GPR50: variants seen among roughly 807,000 people sequenced by gnomAD.
GPR50 encodes G protein-coupled receptor 50.
In GPR50, 1 loss-of-function variant was observed where a neutral mutation model predicts 2.6. The observed-to-expected ratio is 0.38, with a 90% confidence interval of 0.13 to 1.79. The LOEUF (loss-of-function observed/expected upper bound fraction) is 1.79. Among genes scored for constraint, GPR50 ranks in the 40% most tolerant of loss-of-function variants. The pLI, the probability that GPR50 is intolerant of heterozygous loss-of-function variation, is 0.33. For missense variants in GPR50, 535 were observed against 522.1 expected, an observed-to-expected ratio of 1.02 and a Z score of -0.24; for synonymous variants, 233 against 202.3, an observed-to-expected ratio of 1.15 and a Z score of -1.29.
Position 151,180,734 on chromosome X carries a change from G to A in GPR50, c.1151G>A (p.Gly384Asp), listed in dbSNP as rs367675848. Residue 384 changes from glycine to aspartate, a missense_variant, in exon 2 of 2, where the codon GGC (glycine) becomes GAC (aspartate). By Grantham distance (94) the Gly-to-Asp change is moderately conservative. Transcript: ENST00000218316. ...AAAGHPDRAS[G>D]HPKPHSRSSS... is the part of the protein sequence containing the mutation. ...GCTGGCCACCCCGACCGTGCCTCTGGCCACCCTAAGCCCCATTCCAGATCC... is the reference window on the plus strand; with the variant it reads ...GCTGGCCACCCCGACCGTGCCTCTGACCACCCTAAGCCCCATTCCAGATCC... 1.7e-6 allele frequency: 2 copies of A among 1,208,187 alleles called. No homozygotes were observed. Among genetic ancestry groups the A allele is most frequent in the African/African-American group, 3.5e-5 (2 of 56,736 alleles).
chrX:151,179,165 A>G (rs2048697757), intron 1 of GPR50, among the ~76,000 whole-genome samples: 1 of 103,645 alleles, frequency 9.6e-6, no homozygotes, highest in Non-Finnish European at 2.0e-5. Context: ...CTCTTAGGTT[A>G]CCTCGGAACG....
chrX:151,179,035 A>AT lies in GPR50; in HGVS notation c.188-730dup, dbSNP rs1187732499. 5.5e-5 allele frequency among the ~76,000 whole-genome samples: 6 copies of AT among 108,454 alleles called. No individual in the cohort carries two copies. In the South Asian group the frequency reaches 2.0e-3, roughly 36 times the overall value. 94.2% of individuals were successfully genotyped at this position (108,454 alleles called of 115,157 possible). A position where few individuals can be genotyped will look rare whatever the true frequency, so the allele number is the denominator to read the frequency against. ...AGGCACTTCTGCTAATCCTTGCAGG[A>AT]TTTTTTCTCCTCCCCCCCACCCCCG... On this transcript the variant is annotated intron_variant, in intron 1 of 1. Coordinates refer to ENST00000218316, the MANE Select transcript of GPR50 (RefSeq NM_004224.3).
rs1206974287 is a variant in GPR50, at chrX:151,180,120, C to T, written c.537C>T (p.Ile179=). The T allele has an allele frequency of 2.5e-6, 3 of 1,208,541 alleles. No homozygotes were observed. The highest frequency in any genetic ancestry group is 3.4e-6 in the Non-Finnish European group (3 of 894,251). The change falls in exon 2 of 2, where the codon ATC becomes ATT. Residue 179 remains isoleucine (I), a synonymous_variant. Transcript: ENST00000218316. ...ACGATCCTCGCACCTACACCTGCAT[C>T]TTCAACTATCTGAACAACCCTGTCT... ...IEYDPRTYTC[I]FNYLNNPVFT...
At position 151,180,201 on chromosome X, in the gene GPR50, C is replaced by A; in HGVS notation, c.618C>A (p.Phe206Leu). ...HFVLPLLIVGFCYVRIWTKVL... is the reference protein window; with the variant it reads ...HFVLPLLIVGLCYVRIWTKVL... ...TCCTCCCTCTCCTCATCGTGGGTTT[C>A]TGCTACGTGAGGATCTGGACCAAAG... Residue 206 changes from phenylalanine (F) to leucine (L), a missense_variant, in exon 2 of 2, where the codon TTC becomes TTA. Physicochemically the swap from Phe to Leu is conservative, Grantham distance 22 (BLOSUM62 0). Transcript: ENST00000218316. The A allele has an allele frequency of 8.3e-7, 1 of 1,205,824 alleles. No homozygotes were observed. Among genetic ancestry groups the A allele is most frequent in the Non-Finnish European group, 1.1e-6 (1 of 895,059 alleles).
At position 151,181,310 on chromosome X, in the gene GPR50, C is replaced by T. The variant is rs1478299922; in HGVS notation, c.1727C>T (p.Ala576Val). 8.3e-7 allele frequency: 1 copy of T among 1,208,589 alleles called. No homozygotes were observed. The highest frequency in any genetic ancestry group is 1.7e-5 in the African/African-American group (1 of 57,191). The change falls in exon 2 of 2, where the codon GCC (alanine) becomes GTC (valine). Residue 576 changes from alanine (A) to valine (V), a missense_variant. Transcript: ENST00000218316. ...SPAAGPTKPA[A>V]SQLESDTIAD... ...GCCGCTGGGCCCACCAAGCCTGCTGCCAGCCAGCTGGAGTCTGACACCATC... is the reference window on the plus strand; with the variant it reads ...GCCGCTGGGCCCACCAAGCCTGCTGTCAGCCAGCTGGAGTCTGACACCATC...
At chrX:151,178,225 G>C (rs186200052) in intron 1 of GPR50, among the ~76,000 whole-genome samples, 1 of 112,186 alleles carries the variant, frequency 8.9e-6, no homozygotes, top group African/African-American at 3.2e-5. Flanking sequence ...CTTTGCTTGG[G>C]CAAGGAGTCA....
In GPR50 at chrX:151,180,190, A is replaced by G. The variant is rs1318729967; in HGVS notation, c.607A>G (p.Ile203Val). 1 of 1,203,213 alleles carries G rather than the reference A, an allele frequency of 8.3e-7. No homozygotes were observed. The highest frequency in any genetic ancestry group is 1.1e-6 in the Non-Finnish European group (1 of 894,553). The change falls in exon 2 of 2, where the codon ATC (isoleucine) becomes GTC (valine). Residue 203 changes from isoleucine (I) to valine (V), a missense_variant. Ile to Val is a conservative substitution (Grantham distance 29). Coordinates refer to ENST00000218316, the MANE Select transcript of GPR50 (RefSeq NM_004224.3). Reference sequence around the variant, plus strand: ...CATCCACTTCGTCCTCCCTCTCCTCATCGTGGGTTTCTGCTACGTGAGGAT... The same window carrying G: ...CATCCACTTCGTCCTCCCTCTCCTCGTCGTGGGTTTCTGCTACGTGAGGAT... ...VCIHFVLPLL[I>V]VGFCYVRIWT... is the part of the protein sequence containing the mutation.
In GPR50 at chrX:151,180,072, C is replaced by G; in HGVS notation, c.489C>G (p.Asn163Lys). Reference sequence around the variant, plus strand: ...TGACCGTCCTGGCTGTCCTGCCCAACATGTACATTGGCACCATCGAGTACG... The same window carrying G: ...TGACCGTCCTGGCTGTCCTGCCCAAGATGTACATTGGCACCATCGAGTACG... ...WIMTVLAVLP[N>K]MYIGTIEYDP... is the part of the protein sequence containing the mutation. The change falls in exon 2 of 2, where the codon AAC (asparagine) becomes AAG (lysine). Residue 163 changes from asparagine (N) to lysine (K), a missense_variant. By Grantham distance (94) the Asn-to-Lys change is moderately conservative. Coordinates refer to ENST00000218316, the MANE Select transcript of GPR50 (RefSeq NM_004224.3). 1 of 1,211,482 alleles carries G rather than the reference C, an allele frequency of 8.3e-7. No individual in the cohort carries two copies. Among genetic ancestry groups the G allele is most frequent in the Non-Finnish European group, 1.1e-6 (1 of 895,223 alleles).
In GPR50 at chrX:151,180,234, G is replaced by C; in HGVS notation, c.651G>C (p.Ala217=). 1 of 1,205,751 alleles carries C rather than the reference G, an allele frequency of 8.3e-7. No homozygotes were observed. Among genetic ancestry groups the C allele is most frequent in the African/African-American group, 1.7e-5 (1 of 57,644 alleles). Reference sequence around the variant, plus strand: ...TGAGGATCTGGACCAAAGTGCTGGCGGCCCGTGACCCTGCAGGGCAGAATC... The same window carrying C: ...TGAGGATCTGGACCAAAGTGCTGGCCGCCCGTGACCCTGCAGGGCAGAATC... The part of the protein sequence containing the change: ...CYVRIWTKVL[A]ARDPAGQNPD... Residue 217 remains alanine (A), a synonymous_variant, in exon 2 of 2, where the codon GCG becomes GCC. Transcript: ENST00000218316.
Position 151,181,218 on chromosome X carries a change from C to T in GPR50, c.1635C>T (p.Pro545=), listed in dbSNP as rs368335652. 1.2e-4 allele frequency: 140 copies of T among 1,208,587 alleles called. No homozygotes were observed. Among genetic ancestry groups the T allele is most frequent in the Middle Eastern group, 2.3e-4 (1 of 4,373 alleles). Residue 545 remains proline (P), a synonymous_variant, in exon 2 of 2, where the codon CCC becomes CCT. Transcript: ENST00000218316. ...DNPELSASHC[P]EIPAIAHPVS... ...CTGAGCTCTCTGCCTCCCATTGCCC[C>T]GAGATCCCTGCCATTGCCCACCCTG...
At position 151,181,269 on chromosome X, in the gene GPR50, G is replaced by A; in HGVS notation, c.1686G>A (p.Glu562=). The A allele has an allele frequency of 8.3e-7, 1 of 1,210,922 alleles. No individual in the cohort carries two copies. Among genetic ancestry groups the A allele is most frequent in the African/African-American group, 1.7e-5 (1 of 57,670 alleles). Residue 562 remains glutamate, a synonymous_variant, in exon 2 of 2, where the codon GAG becomes GAA. Transcript: ENST00000218316. Reference sequence around the variant, plus strand: ...TGTCTGACGACAGTGACCTCCCTGAGTCGGCCTCTAGCCCTGCCGCTGGGC... The same window carrying A: ...TGTCTGACGACAGTGACCTCCCTGAATCGGCCTCTAGCCCTGCCGCTGGGC... ...HPVSDDSDLP[E]SASSPAAGPT...
At position 151,180,709 on chromosome X, in the gene GPR50, G is replaced by C. The variant is rs2048707928; in HGVS notation, c.1126G>C (p.Ala376Pro). ...TGTTCCATTACCTGGTGATGCTGCAGCTGGCCACCCCGACCGTGCCTCTGG... is the reference window on the plus strand; with the variant it reads ...TGTTCCATTACCTGGTGATGCTGCACCTGGCCACCCCGACCGTGCCTCTGG... ...RNVPLPGDAA[A>P]GHPDRASGHP... The change falls in exon 2 of 2, where the codon GCT becomes CCT. Residue 376 changes from alanine to proline, a missense_variant. Ala to Pro is a conservative substitution (Grantham distance 27). Coordinates refer to ENST00000218316, the MANE Select transcript of GPR50 (RefSeq NM_004224.3). The C allele has an allele frequency of 5.0e-6, 6 of 1,209,191 alleles. No individual in the cohort carries two copies. Among genetic ancestry groups the C allele is most frequent in the South Asian group, 1.8e-5 (1 of 56,737 alleles).
rs182926090 is a variant in GPR50, at chrX:151,180,138, C to T, written c.555C>T (p.Asn185=). Residue 185 remains asparagine, a synonymous_variant, in exon 2 of 2, where the codon AAC becomes AAT. Transcript: ENST00000218316. The part of the protein sequence containing the change: ...TYTCIFNYLN[N]PVFTVTIVCI... ...CCTGCATCTTCAACTATCTGAACAA[C>T]CCTGTCTTCACTGTTACCATCGTCT... The T allele has an allele frequency of 5.8e-3, 7,008 of 1,206,370 alleles. 20 individuals carry two copies. Among genetic ancestry groups the T allele is most frequent in the South Asian group, 0.016 (916 of 56,744 alleles).
In GPR50 at chrX:151,180,325, G is replaced by C. The variant is rs1268568172; in HGVS notation, c.742G>C (p.Val248Leu). The change falls in exon 2 of 2, where the codon GTG (valine) becomes CTG (leucine). Residue 248 changes from valine (V) to leucine (L), a missense_variant. Coordinates refer to ENST00000218316, the MANE Select transcript of GPR50 (RefSeq NM_004224.3). ...TMFVIFLLFAVCWCPINVLTV... is the reference protein window; with the variant it reads ...TMFVIFLLFALCWCPINVLTV... ...GTTTGTGATCTTCCTCCTCTTTGCA[G>C]TGTGCTGGTGCCCTATCAACGTGCT... is the stretch of plus-strand genomic sequence containing the variant. 8.3e-7 allele frequency: 1 copy of C among 1,209,960 alleles called. No homozygotes were observed. The highest frequency in any genetic ancestry group is 1.8e-5 in the South Asian group (1 of 56,817).
chrX:151,180,372 T>C lies in GPR50; in HGVS notation c.789T>C (p.Ser263=). Residue 263 remains serine (S), a synonymous_variant, in exon 2 of 2, where the codon AGT becomes AGC. Coordinates refer to ENST00000218316, the MANE Select transcript of GPR50 (RefSeq NM_004224.3). ...TGCTCACTGTCTTGGTGGCTGTCAG[T>C]CCGAAGGAGATGGCAGGCAAGATCC... ...INVLTVLVAV[S]PKEMAGKIPN... 8.3e-7 allele frequency: 1 copy of C among 1,210,806 alleles called. No individual in the cohort carries two copies. The highest frequency in any genetic ancestry group is 1.1e-6 in the Non-Finnish European group (1 of 895,001).
intron 1 of GPR50, chrX:151,177,337 C>G (rs991179508): frequency 2.6e-5 from 3 of 117,375 alleles, no homozygotes; most frequent in Admixed American, 1.8e-4. Context: ...GCGACCTGCT[C>G]TGTGAAAGTT....
rs1259504880 is a variant in GPR50, at chrX:151,180,710, C to G, written c.1127C>G (p.Ala376Gly). The change falls in exon 2 of 2, where the codon GCT becomes GGT. Residue 376 changes from alanine to glycine, a missense_variant. Ala to Gly is a moderately conservative substitution (Grantham distance 60). Coordinates refer to ENST00000218316, the MANE Select transcript of GPR50 (RefSeq NM_004224.3). ...GTTCCATTACCTGGTGATGCTGCAG[C>G]TGGCCACCCCGACCGTGCCTCTGGC... ...RNVPLPGDAA[A>G]GHPDRASGHP... The G allele has an allele frequency of 8.3e-7, 1 of 1,211,331 alleles. No individual in the cohort carries two copies. The highest frequency in any genetic ancestry group is 2.2e-5 in the Admixed American group (1 of 46,020).
At position 151,181,349 on chromosome X, in the gene GPR50, A is replaced by G; in HGVS notation, c.1766A>G (p.Asp589Gly). ...LESDTIADLP[D>G]PTVVTTSTND... ...TCTGACACCATCGCTGACCTTCCTG[A>G]CCCTACTGTAGTCACTACCAGTACC... is the stretch of plus-strand genomic sequence containing the variant. Residue 589 changes from aspartate (D) to glycine (G), a missense_variant, in exon 2 of 2, where the codon GAC becomes GGC. By Grantham distance (94) the Asp-to-Gly change is moderately conservative. Coordinates refer to ENST00000218316, the MANE Select transcript of GPR50 (RefSeq NM_004224.3). 1 of 1,200,287 alleles carries G rather than the reference A, an allele frequency of 8.3e-7. No homozygotes were observed. Among genetic ancestry groups the G allele is most frequent in the East Asian group, 3.0e-5 (1 of 33,806 alleles).
Position 151,176,863 on chromosome X carries a change from A to G in GPR50, c.142A>G (p.Met48Val), listed in dbSNP as rs748115693. The G allele has an allele frequency of 9.9e-6, 12 of 1,207,546 alleles. No homozygotes were observed. The highest frequency in any genetic ancestry group is 9.0e-6 in the Non-Finnish European group (8 of 892,696). Residue 48 changes from methionine to valine, a missense_variant, in exon 1 of 2, where the codon ATG becomes GTG. Physicochemically the swap from Met to Val is conservative, Grantham distance 21 (BLOSUM62 1). Transcript: ENST00000218316. Reference sequence around the variant, plus strand: ...CGTTGTAGACCTAATCGGCAACTCCATGGTCATTTTGGCTGTGACGAAGAA... The same window carrying G: ...CGTTGTAGACCTAATCGGCAACTCCGTGGTCATTTTGGCTGTGACGAAGAA... ...TIVVDLIGNS[M>V]VILAVTKNKK...
Sources: allele counts gnomAD v4.1 joint callset (sites outside exome capture counted in the v4.1 genomes callset), GRCh38; gene constraint gnomAD v4.1.1; transcripts MANE v1.5; gene names NCBI Gene and HGNC (gene_info 2026-07-23, HGNC 2026-07-21).